Variants in TMEM178B observed in about 807,000 individuals in gnomAD.
TMEM178B encodes the protein transmembrane protein 178B.
Under a neutral mutation model 31.0 loss-of-function variants are expected in TMEM178B, and 5 were observed. That is an observed-to-expected ratio of 0.16 (90% CI 0.08 to 0.34). The LOEUF (loss-of-function observed/expected upper bound fraction) is 0.34, where lower values mean the gene tolerates loss of function less well. Ranked by LOEUF, TMEM178B falls within the 10% of genes least tolerant of loss-of-function variation. The probability of loss-of-function intolerance (pLI) is 1.00; values close to 1 mark genes in which losing one functional copy is unlikely to be tolerated. For synonymous variants in TMEM178B, 164 were observed against 164.0 expected, an observed-to-expected ratio of 1.00 and a Z score of 0.00; for missense variants, 275 against 400.3, an observed-to-expected ratio of 0.69 and a Z score of 2.67.
chr7:141,098,446 T>A (rs1275909260), intron 1 of TMEM178B, among the ~76,000 whole-genome samples: 1 of 152,194 alleles, frequency 6.6e-6, no homozygotes, highest in African/African-American at 2.4e-5. Flanking sequence ...GTATGTAAAG[T>A]GGTTTGTCTA....
At position 141,437,597 on chromosome 7, in the gene TMEM178B, C is replaced by T; in HGVS notation, c.497-11C>T. 1.3e-6 allele frequency: 2 copies of T among 1,535,918 alleles called. No individual in the cohort carries two copies. The highest frequency in any genetic ancestry group is 8.7e-7 in the Non-Finnish European group (1 of 1,146,870). On this transcript the variant is annotated splice_polypyrimidine_tract_variant and intron_variant, in intron 2 of 3. Coordinates refer to ENST00000565468, the MANE Select transcript of TMEM178B (RefSeq NM_001195278.2). ...TCTGCTGCTGACTGTTGCTCGCCTG[C>T]TTCCCCACAGACCTGCGCAGAATGA...
chr7:141,097,779 CT>C (rs1481102135), intron 1 of TMEM178B, among the ~76,000 whole-genome samples: 3 of 144,694 alleles, frequency 2.1e-5, no homozygotes, highest in African/African-American at 8.0e-5. Context: ...TGTTTCTTTT[CT>C]TTTTCTTTCT....
chr7:141,205,603 A>G (rs1056523347), intron 1 of TMEM178B, among the ~76,000 whole-genome samples: 13 of 152,230 alleles, frequency 8.5e-5, no homozygotes, highest in Admixed American at 2.6e-4. Flanking sequence ...GTCAAGGAGA[A>G]CAATATTTGA....
chr7:141,371,021 G>A (rs752122335), intron 2 of TMEM178B, among the ~76,000 whole-genome samples: 3 of 152,214 alleles, frequency 2.0e-5, no homozygotes, highest in East Asian at 1.9e-4. Context: ...GCACATGGGT[G>A]GAAATATTCA....
chr7:141,401,476 T>G (rs1800766040), intron 2 of TMEM178B, among the ~76,000 whole-genome samples: 1 of 152,230 alleles, frequency 6.6e-6, no homozygotes, highest in Non-Finnish European at 1.5e-5. Flanking sequence ...CACAGTGTGG[T>G]GCGATCATAG....
chr7:141,493,570 C>A, the TMEM178B span, among the ~76,000 whole-genome samples: 1 of 152,140 alleles, frequency 6.6e-6, no homozygotes, highest in Non-Finnish European at 1.5e-5. Flanking sequence ...TCTGTCTTCA[C>A]CAAACCACAA....
chr7:141,089,071 G>T (rs550075064), intron 1 of TMEM178B, among the ~76,000 whole-genome samples: 1 of 152,196 alleles, frequency 6.6e-6, no homozygotes, highest in African/African-American at 2.4e-5. Flanking sequence ...GGATAAAAAG[G>T]TGAGTAGGAA....
rs934401705 is a variant in TMEM178B, at chr7:141,437,624, G to A, written c.513G>A (p.Thr171=). The change falls in exon 3 of 4, where the codon ACG becomes ACA. Residue 171 remains threonine (T), a synonymous_variant. Transcript: ENST00000565468. ...TCCCCACAGACCTGCGCAGAATGAC[G>A]GCTGGCTTCATGGGCATGGCGGTGG... ...EWHALHLRRM[T]AGFMGMAVAI... is the part of the protein sequence containing the mutation. The A allele has an allele frequency of 1.2e-5, 19 of 1,536,112 alleles. No individual in the cohort carries two copies. The African/African-American group carries it at 1.8e-4, about 14-fold the overall frequency.
chr7:141,347,929 T>C (rs1249165985), intron 2 of TMEM178B, among the ~76,000 whole-genome samples: 1 of 152,172 alleles, frequency 6.6e-6, no homozygotes, highest in Non-Finnish European at 1.5e-5. Context: ...GGAGAGATGA[T>C]TTCACCAATA....
In TMEM178B at chr7:141,076,416, G is replaced by A. The variant is rs1026103436; in HGVS notation, c.382+1724G>A. Among the ~76,000 whole-genome samples, 14 of 152,326 alleles carry A rather than the reference G, an allele frequency of 9.2e-5. No homozygotes were observed. The East Asian group carries it at 1.5e-3, about 17-fold the overall frequency. On this transcript the variant is annotated intron_variant, in intron 1 of 3. Transcript: ENST00000565468. ...CAAACACTGGGAGAATTTGTTGAAGGATATTCTTACTTTTCCTTCCTTGAA... is the reference window on the plus strand; with the variant it reads ...CAAACACTGGGAGAATTTGTTGAAGAATATTCTTACTTTTCCTTCCTTGAA...
At chr7:141,282,879 A>G (rs1254408837) in intron 2 of TMEM178B, among the ~76,000 whole-genome samples, 1 of 152,220 alleles carries the variant, frequency 6.6e-6, no homozygotes, top group African/African-American at 2.4e-5. Context: ...GACAGGAAAT[A>G]ATAATGAAAA....
intron 1 of TMEM178B, among the ~76,000 whole-genome samples, chr7:141,153,546 T>C (rs1796014455): frequency 6.6e-6 from 1 of 152,222 alleles, no homozygotes; most frequent in African/African-American, 2.4e-5. Flanking sequence ...GCAAAAACGT[T>C]TTCCTGAAGA....
intron 2 of TMEM178B, among the ~76,000 whole-genome samples, chr7:141,367,096 TG>T (rs1299432276): frequency 4.9e-4 from 16 of 32,734 alleles, no homozygotes; most frequent in South Asian, 2.0e-3. Flanking sequence ...GGGGGAGGGG[TG>T]GGGGGGGCAG....
intron 2 of TMEM178B, among the ~76,000 whole-genome samples, chr7:141,237,289 C>T (rs1180702221): frequency 6.6e-6 from 1 of 152,092 alleles, no homozygotes; most frequent in South Asian, 2.1e-4. Context: ...GTGAAATATA[C>T]AGAGAGTTTT....
intron 2 of TMEM178B, among the ~76,000 whole-genome samples, chr7:141,235,083 A>G (rs1229969651): frequency 6.6e-6 from 1 of 152,222 alleles, no homozygotes; most frequent in African/African-American, 2.4e-5. Flanking sequence ...GTTCTAGAGT[A>G]TTAGCATTCA....
chr7:141,310,852 A>G (rs1798896749), intron 2 of TMEM178B, among the ~76,000 whole-genome samples: 1 of 152,228 alleles, frequency 6.6e-6, no homozygotes, highest in Non-Finnish European at 1.5e-5. Flanking sequence ...ATGCACGCGT[A>G]TGTTCATTGC....
At chr7:141,433,064 C>T (rs140672251) in intron 2 of TMEM178B, among the ~76,000 whole-genome samples, 2 of 152,312 alleles carry the variant, frequency 1.3e-5, no homozygotes, top group African/African-American at 2.4e-5. Context: ...TCCGTAACTC[C>T]ATCAGGGTGC....
At chr7:141,350,025 G>GTCCA (rs1381005932) in intron 2 of TMEM178B, among the ~76,000 whole-genome samples, 2 of 151,032 alleles carry the variant, frequency 1.3e-5, no homozygotes, top group Non-Finnish European at 2.9e-5. Flanking sequence ...GCATCTATCT[G>GTCCA]TCCATCCATC....
At chr7:141,377,961 A>G (rs958851929) in intron 2 of TMEM178B, among the ~76,000 whole-genome samples, 1 of 152,124 alleles carries the variant, frequency 6.6e-6, no homozygotes, top group Non-Finnish European at 1.5e-5. Flanking sequence ...TATTAATTGA[A>G]CTCTCAACTT....
Sources: gnomAD v4.1 joint callset for allele counts (sites outside exome capture counted in the v4.1 genomes callset) on GRCh38, gnomAD v4.1.1 for gene constraint, MANE v1.5 for transcripts, NCBI Gene and HGNC (gene_info 2026-07-23, HGNC 2026-07-21) for gene names.